The following PLEKHA5 variants were observed in gnomAD, a reference collection of about 807,000 sequenced individuals.
PLEKHA5 encodes the protein pleckstrin homology domain containing A5, also known as pleckstrin homology domain-containing family A member 5.
A neutral mutation model predicts 181.9 loss-of-function variants in PLEKHA5; 55 were observed. The observed-to-expected ratio is 0.30, with a 90% CI of 0.24 to 0.38. The LOEUF (loss-of-function observed/expected upper bound fraction) is 0.38. Among genes scored for constraint, PLEKHA5 ranks in the 10% least tolerant of loss-of-function variants. The pLI, the probability that PLEKHA5 is intolerant of heterozygous loss-of-function variation, is 1.00. For missense variants in PLEKHA5, 1,432 were observed against 1,549.5 expected, an observed-to-expected ratio of 0.92 and a Z score of 1.27; for synonymous variants, 535 against 529.4, an observed-to-expected ratio of 1.01 and a Z score of -0.15.
At chr12:19,298,645 A>C (rs917935141) in intron 15 of PLEKHA5, among the ~76,000 whole-genome samples, 8 of 151,950 alleles carry the variant, frequency 5.3e-5, no homozygotes, top group African/African-American at 1.9e-4. Flanking sequence ...CTGGGATTAC[A>C]GGTGTAAGCC....
At chr12:19,338,542 G>A (rs1251531858) in intron 21 of PLEKHA5, among the ~76,000 whole-genome samples, 2 of 151,972 alleles carry the variant, frequency 1.3e-5, no homozygotes, top group African/African-American at 4.8e-5. Context: ...GGGAGGCAGA[G>A]GTTGCAGTGG....
At chr12:19,141,883 G>C (rs1428189392) in intron 3 of PLEKHA5, among the ~76,000 whole-genome samples, 1 of 152,214 alleles carries the variant, frequency 6.6e-6, no homozygotes, top group Non-Finnish European at 1.5e-5. Context: ...CAGTGCTTGA[G>C]TAATATTGCC....
At chr12:19,259,333 CT>C (rs1461745149) in intron 6 of PLEKHA5, among the ~76,000 whole-genome samples, 1 of 151,970 alleles carries the variant, frequency 6.6e-6, no homozygotes, top group Non-Finnish European at 1.5e-5. Flanking sequence ...TGCCACTGCA[CT>C]CCAGCCTGGG....
At chr12:19,249,722 G>A (rs1319535960) in intron 3 of PLEKHA5, among the ~76,000 whole-genome samples, 1 of 152,158 alleles carries the variant, frequency 6.6e-6, no homozygotes, top group Non-Finnish European at 1.5e-5. Flanking sequence ...GAGACACAGA[G>A]AGGTAAAGTA....
At chr12:19,191,181 C>T (rs919303822) in intron 3 of PLEKHA5, among the ~76,000 whole-genome samples, 1 of 152,138 alleles carries the variant, frequency 6.6e-6, no homozygotes, top group Non-Finnish European at 1.5e-5. Context: ...TGGTAGCAAA[C>T]ATCCTGTTAA....
chr12:19,350,955 C>CTTT lies in PLEKHA5; in HGVS notation c.3019+2455_3019+2457dup, dbSNP rs35006570. 2.4e-3 allele frequency among the ~76,000 whole-genome samples: 273 copies of CTTT among 112,522 alleles called. 2 individuals carry two copies. Among genetic ancestry groups the CTTT allele is most frequent in the African/African-American group, 4.8e-3 (137 of 28,534 alleles). The allele number at this position is 112,522 out of a possible 152,430, so 73.8% of individuals were successfully genotyped here. ...CTAATCCTGTCTCCTTATTCAAAGT[C>CTTT]TTTTTTTTTTTTTTTTTTTTTGAGA... On this transcript the variant is annotated intron_variant, in intron 25 of 31. Coordinates refer to ENST00000429027, the MANE Select transcript of PLEKHA5 (RefSeq NM_001256470.2).
In PLEKHA5 at chr12:19,274,948, C is replaced by T; in HGVS notation, c.1278C>T (p.Ile426=). The T allele has an allele frequency of 6.2e-7, 1 of 1,611,596 alleles. No homozygotes were observed. Among genetic ancestry groups the T allele is most frequent in the Non-Finnish European group, 8.5e-7 (1 of 1,179,834 alleles). Reference sequence around the variant, plus strand: ...AGCAGTTGGAACAGTGGATTAAAATCCAGAAGGGGAGGGGTCATGAAGAAG... The same window carrying T: ...AGCAGTTGGAACAGTGGATTAAAATTCAGAAGGGGAGGGGTCATGAAGAAG... The part of the protein sequence containing the change: ...SMQQLEQWIK[I]QKGRGHEEET... Residue 426 remains isoleucine (I), a synonymous_variant, in exon 11 of 32, where the codon ATC becomes ATT. Transcript: ENST00000429027.
At chr12:19,226,794 G>A (rs1291938809) in intron 3 of PLEKHA5, among the ~76,000 whole-genome samples, 4 of 152,076 alleles carry the variant, frequency 2.6e-5, no homozygotes, top group African/African-American at 7.2e-5. Flanking sequence ...AACTGAATGT[G>A]CTCTGTTATT....
Position 19,348,387 on chromosome 12 carries a change from C to T in PLEKHA5, c.2899-12C>T. 1 of 1,562,912 alleles carries T rather than the reference C, an allele frequency of 6.4e-7. No individual in the cohort carries two copies. Among genetic ancestry groups the T allele is most frequent in the Non-Finnish European group, 8.6e-7 (1 of 1,159,354 alleles). Reference sequence around the variant, plus strand: ...GCAGTTTTTTAGGGTAATTACATGTCTTCCTTTCAAGGGTCCAGATTATAG... The same window carrying T: ...GCAGTTTTTTAGGGTAATTACATGTTTTCCTTTCAAGGGTCCAGATTATAG... On this transcript the variant is annotated splice_polypyrimidine_tract_variant and intron_variant, in intron 24 of 31. Transcript: ENST00000429027.
chr12:19,199,067 G>A (rs1427660820), intron 3 of PLEKHA5, among the ~76,000 whole-genome samples: 1 of 152,026 alleles, frequency 6.6e-6, no homozygotes, highest in Non-Finnish European at 1.5e-5. Flanking sequence ...CTAAGTAGAT[G>A]CTAAGGATTT....
chr12:19,279,281 C>T (rs1384927509), intron 11 of PLEKHA5, among the ~76,000 whole-genome samples: 1 of 151,980 alleles, frequency 6.6e-6, no homozygotes, highest in Non-Finnish European at 1.5e-5. Flanking sequence ...GTTTAGGGAT[C>T]ACTGGCATAG....
At chr12:19,136,068 G>T (rs2035565001) in intron 3 of PLEKHA5, among the ~76,000 whole-genome samples, 1 of 151,714 alleles carries the variant, frequency 6.6e-6, no homozygotes, top group African/African-American at 2.4e-5. Context: ...GATTGATTGA[G>T]AGAGACAGGG....
At chr12:19,318,875 C>A (rs2089902381) in intron 16 of PLEKHA5, among the ~76,000 whole-genome samples, 1 of 152,108 alleles carries the variant, frequency 6.6e-6, no homozygotes, top group Non-Finnish European at 1.5e-5. Context: ...GAGCCGAGAT[C>A]GCACCACTGC....
At chr12:19,159,397 A>C (rs997078723) in intron 3 of PLEKHA5, among the ~76,000 whole-genome samples, 2 of 152,176 alleles carry the variant, frequency 1.3e-5, no homozygotes, top group African/African-American at 4.8e-5. Flanking sequence ...TATTTTTAAA[A>C]GTAGTTACCC....
chr12:19,306,765 A>C (rs2152956117), intron 15 of PLEKHA5: 1 of 949,312 alleles, frequency 1.1e-6, no homozygotes, highest in Non-Finnish European at 1.7e-6. Flanking sequence ...TGCCAATCGC[A>C]ATCTCGTTAA....
chr12:19,174,499 G>C (rs2046722921), intron 3 of PLEKHA5, among the ~76,000 whole-genome samples: 1 of 152,044 alleles, frequency 6.6e-6, no homozygotes, highest in South Asian at 2.1e-4. Context: ...ATAATAACCA[G>C]TTATTTCATT....
At chr12:19,277,161 A>G (rs11044474) in intron 11 of PLEKHA5, among the ~76,000 whole-genome samples, 15,908 of 152,176 alleles carry the variant, frequency 0.1, 961 homozygotes, top group East Asian at 0.21. Flanking sequence ...CTGGGGGGAA[A>G]AAAATGAAAG....
intron 3 of PLEKHA5, among the ~76,000 whole-genome samples, chr12:19,212,191 C>T (rs887959459): frequency 6.6e-6 from 1 of 152,158 alleles, no homozygotes; most frequent in Admixed American, 6.5e-5. Flanking sequence ...GTTGGGATCA[C>T]GTGGAATAAT....
In PLEKHA5 at chr12:19,225,057, G is replaced by A. The variant is rs76476105; in HGVS notation, c.228-28883G>A. Among the ~76,000 whole-genome samples, 254 of 152,232 alleles carry A rather than the reference G, an allele frequency of 1.7e-3. 1 individual carries two copies. The highest frequency in any genetic ancestry group is 8.1e-3 in the East Asian group (42 of 5,182). On this transcript the variant is annotated intron_variant, in intron 3 of 31. Transcript: ENST00000429027. ...GGTTATCTCTTCTGTTAGCCACAAC[G>A]GGATGGCAGTTTTAAGACAATGAAG...
Sources: allele counts gnomAD v4.1 joint callset (sites outside exome capture counted in the v4.1 genomes callset), GRCh38; gene constraint gnomAD v4.1.1; transcripts MANE v1.5; gene names NCBI Gene and HGNC (gene_info 2026-07-23, HGNC 2026-07-21).